Variants in RRBP1 observed in about 807,000 individuals in gnomAD.
The protein encoded by RRBP1 is ribosome-binding protein 1.
Under a neutral mutation model 165.2 loss-of-function variants are expected in RRBP1, and 94 were observed. The ratio of observed to expected loss-of-function variants is 0.57; its 90% CI spans 0.48 to 0.68. The LOEUF (loss-of-function observed/expected upper bound fraction) is 0.68, where lower values mean the gene tolerates loss of function less well. Among genes scored for constraint, RRBP1 ranks in the 30% least tolerant of loss-of-function variants. The pLI, the probability that RRBP1 is intolerant of heterozygous loss-of-function variation, is 0.00. For missense variants in RRBP1, 1,676 were observed against 1,763.0 expected, an observed-to-expected ratio of 0.95 and a Z score of 0.88; for synonymous variants, 680 against 714.5, an observed-to-expected ratio of 0.95 and a Z score of 0.77.
rs138315161 is a variant in RRBP1 at position 17,660,013 on chromosome 20, C to T, written c.495G>A (p.Ser165=). The change falls in exon 3 of 25, where the codon TCG becomes TCA. Residue 165 remains serine, a synonymous_variant. Transcript: ENST00000377813. Reference sequence around the variant, plus strand: ...GAGCAGTTTCCAAGATGGCAGCCTTCGAAGTGAGAACCTGGATGGAATTCA... The same window carrying T: ...GAGCAGTTTCCAAGATGGCAGCCTTTGAAGTGAGAACCTGGATGGAATTCA... The part of the protein sequence containing the change: ...SVVNSIQVLT[S]KAAILETAPK... 107 of 1,612,562 alleles carry T rather than the reference C, an allele frequency of 6.6e-5. 3 individuals are homozygous for T. In the Middle Eastern group the frequency reaches 1.8e-3, roughly 27 times the overall value.
chr20:17,617,607 C>G (rs1429413892), intron 20 of RRBP1, among the ~76,000 whole-genome samples: 1 of 152,222 alleles, frequency 6.6e-6, no homozygotes, highest in African/African-American at 2.4e-5. Flanking sequence ...GCCATGCCCC[C>G]GGGGCCTGTC....
At chr20:17,616,689 C>T in intron 21 of RRBP1, 43 bp downstream of exon 21, 3 of 1,376,658 alleles carry the variant, frequency 2.2e-6, no homozygotes, top group South Asian at 1.2e-5. Context: ...CTGCACTCTT[C>T]TGGGATTAGT....
chr20:17,649,367 AC>A (rs1243967803), intron 3 of RRBP1, among the ~76,000 whole-genome samples: 1 of 152,200 alleles, frequency 6.6e-6, no homozygotes, highest in Non-Finnish European at 1.5e-5. Flanking sequence ...CATGTGCATG[AC>A]TTCTGGGAAG....
chr20:17,639,008 C>A (rs905857900), intron 5 of RRBP1, among the ~76,000 whole-genome samples: 2 of 152,236 alleles, frequency 1.3e-5, no homozygotes, highest in African/African-American at 4.8e-5. Context: ...TGTTTCACAG[C>A]CCCATCTCCT....
At chr20:17,638,769 T>C (rs933081287) in intron 5 of RRBP1, among the ~76,000 whole-genome samples, 3 of 152,054 alleles carry the variant, frequency 2.0e-5, no homozygotes, top group African/African-American at 4.8e-5. Context: ...ATCACTAGCA[T>C]TGGCTCAGAA....
rs539820515 is a variant in RRBP1 at position 17,625,380 on chromosome 20, G to A, written c.3054+132C>T. The A allele has an allele frequency of 1.0e-5, 8 of 765,212 alleles. No homozygotes were observed. In the East Asian group the frequency reaches 1.8e-4, roughly 18 times the overall value. The allele number at this position is 765,212 out of a possible 1,614,324, so 47.4% of individuals were successfully genotyped here. On this transcript the variant is annotated intron_variant, in intron 12 of 24. Coordinates refer to ENST00000377813, the MANE Select transcript of RRBP1 (RefSeq NM_001365613.2). ...ACCCCCCACACCCTGGACCCCCACA[G>A]CACAATGGGGTGTAGAAACACAAGC...
In RRBP1 at chr20:17,635,486, T is replaced by C. The variant is rs979864981; in HGVS notation, c.2456+60A>G. 2.3e-6 allele frequency: 3 copies of C among 1,312,702 alleles called. No homozygotes were observed. The African/African-American group carries it at 4.4e-5, about 19-fold the overall frequency. 81.3% of individuals were successfully genotyped at this position (1,312,702 alleles called of 1,614,324 possible). On this transcript the variant is annotated intron_variant, in intron 7 of 24. Transcript: ENST00000377813. Reference sequence around the variant, plus strand: ...GCCAGCTGCCCTGGCCGCAGCCTCGTGAAGCCTTCCTCGCTCCAGGGCCCT... The same window carrying C: ...GCCAGCTGCCCTGGCCGCAGCCTCGCGAAGCCTTCCTCGCTCCAGGGCCCT...
At chr20:17,633,716 T>G in intron 7 of RRBP1, 103 bp from the exon 8 acceptor site, 1 of 1,223,494 alleles carries the variant, frequency 8.2e-7, no homozygotes, top group Non-Finnish European at 1.1e-6. Flanking sequence ...AGTAAGCAGT[T>G]GCCCAAGTCT....
At chr20:17,620,632 C>G in intron 17 of RRBP1, 83 bp downstream of exon 17, 1 of 1,068,798 alleles carries the variant, frequency 9.4e-7, no homozygotes. Context: ...ACGAGTCTCA[C>G]AGGTGACAGA....
chr20:17,680,305 G>T (rs1322736935), intron 1 of RRBP1, among the ~76,000 whole-genome samples: 1 of 152,200 alleles, frequency 6.6e-6, no homozygotes, highest in South Asian at 2.1e-4. Context: ...TTCTTCCTGG[G>T]AGTGCCAGAC....
At position 17,659,001 on chromosome 20, in the gene RRBP1, C is replaced by G; in HGVS notation, c.1507G>C (p.Glu503Gln). 6.2e-7 allele frequency: 1 copy of G among 1,602,592 alleles called. No individual in the cohort carries two copies. The highest frequency in any genetic ancestry group is 8.5e-7 in the Non-Finnish European group (1 of 1,173,888). Residue 503 changes from glutamate (E) to glutamine (Q), a missense_variant, in exon 3 of 25, where the codon GAG becomes CAG. By Grantham distance (29) the Glu-to-Gln change is conservative. Coordinates refer to ENST00000377813, the MANE Select transcript of RRBP1 (RefSeq NM_001365613.2). ...TTTTGGCCCTGGTTCTGGGCTCCCTCGGCCTTTTTGCCCTGGTTCTGAGCC... is the reference window on the plus strand; with the variant it reads ...TTTTGGCCCTGGTTCTGGGCTCCCTGGGCCTTTTTGCCCTGGTTCTGAGCC... ...EGAQNQGKKA[E>Q]GAQNQGQKGE...
chr20:17,651,518 G>T (rs905277797), intron 3 of RRBP1, among the ~76,000 whole-genome samples: 1 of 152,206 alleles, frequency 6.6e-6, no homozygotes, highest in Admixed American at 6.5e-5. Context: ...GGAATATTAT[G>T]CAGCTGAATG....
chr20:17,657,717 T>C (rs1600767520), intron 3 of RRBP1, among the ~76,000 whole-genome samples: 1 of 152,148 alleles, frequency 6.6e-6, no homozygotes, highest in African/African-American at 2.4e-5. Context: ...TCTACAGTAA[T>C]ATACACTAAA....
rs114265753 is a variant in RRBP1, at chr20:17,678,216, T to C, written c.-22+1783A>G. Among the ~76,000 whole-genome samples the C allele has an allele frequency of 5.6e-3, 857 of 152,340 alleles. 7 individuals are homozygous for C. Among genetic ancestry groups the C allele is most frequent in the African/African-American group, 0.019 (800 of 41,588 alleles). On this transcript the variant is annotated intron_variant, in intron 2 of 24. Transcript: ENST00000377813. ...AGGAGGCCCCTGAACTAATTTTCTA[T>C]ATGCTAAGTGAGAGTGCCTCCTTGC...
At chr20:17,624,720 G>T (rs1472755523) in intron 12 of RRBP1, 52 bp from the exon 13 acceptor site, 1 of 1,331,138 alleles carries the variant, frequency 7.5e-7, no homozygotes, top group Non-Finnish European at 1.0e-6. Context: ...AGCACGGGCT[G>T]CCTAAGCTGG....
chr20:17,625,554 G>C lies in RRBP1; in HGVS notation c.3012C>G (p.Ile1004Met), dbSNP rs1031957182. ...GCTGCTCGACGGCCTCCCTGAGCTC[G>C]ATGGCCTCCTTCTCCAGACCCGACA... ...SQVSGLEKEAIELREAVEQQK... is the reference protein window; with the variant it reads ...SQVSGLEKEAMELREAVEQQK... Residue 1004 changes from isoleucine to methionine, a missense_variant, in exon 12 of 25, where the codon ATC (isoleucine) becomes ATG (methionine). This residue lies in a region of RRBP1 where 1,184 missense variants were observed against 1,167.1 expected (regional missense o/e 1.01). Coordinates refer to ENST00000377813, the MANE Select transcript of RRBP1 (RefSeq NM_001365613.2). The C allele has an allele frequency of 4.3e-6, 7 of 1,613,878 alleles. No homozygotes were observed. Among genetic ancestry groups the C allele is most frequent in the Non-Finnish European group, 5.9e-6 (7 of 1,179,910 alleles).
intron 2 of RRBP1, among the ~76,000 whole-genome samples, chr20:17,669,254 T>C (rs925236420): frequency 3.3e-5 from 5 of 152,202 alleles, no homozygotes; most frequent in Non-Finnish European, 5.9e-5. Flanking sequence ...AAATAAAGAA[T>C]TGACAATTTC....
At chr20:17,620,906 C>G in intron 16 of RRBP1, 99 bp from the exon 17 acceptor site, 1 of 846,170 alleles carries the variant, frequency 1.2e-6, no homozygotes, top group Non-Finnish European at 1.8e-6. Context: ...ACCTGCCGTG[C>G]TCCGCCTGCT....
intron 5 of RRBP1, among the ~76,000 whole-genome samples, chr20:17,641,103 C>T: frequency 6.6e-6 from 1 of 152,210 alleles, no homozygotes; most frequent in East Asian, 1.9e-4. Context: ...GGCTGGGGCA[C>T]CAGGGCCCAC....
Sources: allele counts gnomAD v4.1 joint callset (sites outside exome capture counted in the v4.1 genomes callset), GRCh38; gene constraint gnomAD v4.1.1; regional missense constraint gnomAD v4.1.1; transcripts MANE v1.5; gene names NCBI Gene and HGNC (gene_info 2026-07-23, HGNC 2026-07-21).